The following PIK3C2G variants were observed in gnomAD, a reference collection of about 807,000 sequenced individuals.
The protein encoded by PIK3C2G is phosphatidylinositol-4-phosphate 3-kinase catalytic subunit type 2 gamma, also known as phosphatidylinositol 3-kinase C2 domain-containing subunit gamma.
A neutral mutation model predicts 181.1 loss-of-function variants in PIK3C2G; 168 were observed. The observed-to-expected ratio is 0.93, with a 90% CI of 0.82 to 1.05. PIK3C2G has a LOEUF of 1.05. Among genes scored for constraint, PIK3C2G ranks in the 50% least tolerant of loss-of-function variants. PIK3C2G has a pLI of 0.00. For synonymous variants in PIK3C2G, 573 were observed against 592.2 expected, an observed-to-expected ratio of 0.97 and a Z score of 0.47; for missense variants, 1,869 against 1,732.8, an observed-to-expected ratio of 1.08 and a Z score of -1.40.
At chr12:18,369,722 ATAATTGACATATGATCATATAACGGTCG>A in intron 12 of PIK3C2G, among the ~76,000 whole-genome samples, 1 of 77,710 alleles carries the variant, frequency 1.3e-5, no homozygotes, top group African/African-American at 5.5e-5. Flanking sequence ...TAACGGTCGT[ATAATTGACATATGATCATATAACGGTCG>A]TATAATTGAC....
chr12:18,683,511 C>T, the PIK3C2G span: 6 of 1,505,992 alleles, frequency 4.0e-6, no homozygotes, highest in Non-Finnish European at 5.4e-6. Context: ...TTCTGACTTC[C>T]TAACTGCCCA....
chr12:18,280,542 C>G (rs528816807), intron 1 of PIK3C2G, among the ~76,000 whole-genome samples: 2 of 151,764 alleles, frequency 1.3e-5, no homozygotes, highest in African/African-American at 4.8e-5. Context: ...AGCCAGAAGG[C>G]CAAGATGATG....
intron 2 of PIK3C2G, among the ~76,000 whole-genome samples, chr12:18,286,168 A>G (rs1198887524): frequency 2.0e-5 from 3 of 152,068 alleles, no homozygotes; most frequent in African/African-American, 7.2e-5. Flanking sequence ...TTTAAAACGC[A>G]TAAGGCAAAA....
chr12:18,487,276 C>T (rs1393009828), intron 18 of PIK3C2G, among the ~76,000 whole-genome samples: 3 of 152,032 alleles, frequency 2.0e-5, no homozygotes, highest in Non-Finnish European at 2.9e-5. Context: ...AAACTGCAAA[C>T]TCATTCAACT....
At chr12:18,308,069 A>G (rs1192231503) in intron 5 of PIK3C2G, among the ~76,000 whole-genome samples, 1 of 151,890 alleles carries the variant, frequency 6.6e-6, no homozygotes, top group Admixed American at 6.6e-5. Context: ...ATTGCAAGTG[A>G]TTAGTAGCTG....
At chr12:18,487,321 T>C (rs1275840309) in intron 18 of PIK3C2G, among the ~76,000 whole-genome samples, 3 of 152,054 alleles carry the variant, frequency 2.0e-5, no homozygotes, top group African/African-American at 7.2e-5. Context: ...ACAGAAAACA[T>C]TGAATAAAAA....
At chr12:18,316,694 C>A (rs539666539) in intron 6 of PIK3C2G, among the ~76,000 whole-genome samples, 6 of 152,094 alleles carry the variant, frequency 3.9e-5, no homozygotes, top group Non-Finnish European at 7.4e-5. Flanking sequence ...CGCGCTACTG[C>A]ACTCCAGCCT....
intron 1 of PIK3C2G, among the ~76,000 whole-genome samples, chr12:18,274,691 A>T (rs547322176): frequency 1.3e-5 from 2 of 152,288 alleles, no homozygotes; most frequent in Non-Finnish European, 2.9e-5. Flanking sequence ...ATTAGGAGAT[A>T]CACCTAATGC....
chr12:18,516,261 G>GTT (rs34294540), intron 24 of PIK3C2G, among the ~76,000 whole-genome samples: 16,502 of 138,218 alleles, frequency 0.12, 1,063 homozygotes, highest in African/African-American at 0.14. Context: ...TTGACTGATG[G>GTT]TTTTTTTTTT....
intron 29 of PIK3C2G, among the ~76,000 whole-genome samples, chr12:18,593,050 G>T (rs796777125): frequency 2.6e-5 from 4 of 151,932 alleles, no homozygotes; most frequent in African/African-American, 9.6e-5. Context: ...CTTTCTCCTT[G>T]GTTTGTAGAT....
the PIK3C2G span, among the ~76,000 whole-genome samples, chr12:18,722,789 A>T: frequency 6.6e-6 from 1 of 152,084 alleles, no homozygotes; most frequent in Non-Finnish European, 1.5e-5. Flanking sequence ...AACAAGCGAA[A>T]AGTATATATA....
intron 13 of PIK3C2G, among the ~76,000 whole-genome samples, chr12:18,373,410 A>G (rs967170617): frequency 1.3e-5 from 2 of 152,222 alleles, no homozygotes; most frequent in African/African-American, 4.8e-5. Context: ...AAGGTTTCCT[A>G]TCGCTTTGTG....
chr12:18,676,484 G>C, the PIK3C2G span, among the ~76,000 whole-genome samples: 2 of 152,036 alleles, frequency 1.3e-5, no homozygotes, highest in Non-Finnish European at 2.9e-5. Flanking sequence ...ATCCCATTGA[G>C]TACTCTCAAC....
Position 18,505,311 on chromosome 12 carries a change from A to G in PIK3C2G, c.3173A>G (p.Tyr1058Cys). The G allele has an allele frequency of 6.3e-7, 1 of 1,597,694 alleles. No individual in the cohort carries two copies. The highest frequency in any genetic ancestry group is 1.1e-5 in the South Asian group (1 of 87,598). Residue 1058 changes from tyrosine (Y) to cysteine (C), a missense_variant, in exon 24 of 33, where the codon TAC becomes TGC. Tyr to Cys is a radical substitution (Grantham distance 194). Transcript: ENST00000538779. Reference protein sequence around the residue: ...DYEKALRNFFYSCAGWCVVTF... With the variant: ...DYEKALRNFFCSCAGWCVVTF... ...AATTAGGCCTTGAGGAACTTTTTCT[A>G]CTCCTGTGCTGGCTGGTGTGTGGTA... is the stretch of plus-strand genomic sequence containing the variant.
At chr12:18,724,042 T>C in the PIK3C2G span, among the ~76,000 whole-genome samples, 601 of 152,116 alleles carry the variant, frequency 4.0e-3, 11 homozygotes, top group East Asian at 0.055. Context: ...TGAGTTCCAA[T>C]AAGAAAGAGT....
chr12:18,617,177 C>T (rs1183291157), intron 31 of PIK3C2G, among the ~76,000 whole-genome samples: 1 of 152,060 alleles, frequency 6.6e-6, no homozygotes, highest in East Asian at 1.9e-4. Context: ...TAACTGACCA[C>T]CTATCTCAGT....
chr12:18,442,460 C>T (rs886342111), intron 18 of PIK3C2G, among the ~76,000 whole-genome samples: 1 of 151,952 alleles, frequency 6.6e-6, no homozygotes, highest in East Asian at 1.9e-4. Flanking sequence ...TACAATAGCC[C>T]TCAAGGAAAG....
chr12:18,534,582 C>T (rs1359791340), intron 24 of PIK3C2G, among the ~76,000 whole-genome samples: 1 of 151,722 alleles, frequency 6.6e-6, no homozygotes, highest in Non-Finnish European at 1.5e-5. Context: ...TTGTTGCATT[C>T]ATCGCATGTA....
At position 18,467,522 on chromosome 12, in the gene PIK3C2G, G is replaced by C. The variant is rs1292614531; in HGVS notation, c.2505-20927G>C. Among the ~76,000 whole-genome samples the C allele has an allele frequency of 2.0e-5, 3 of 150,780 alleles. No individual in the cohort carries two copies. In the Admixed American group the frequency reaches 2.0e-4, roughly 10 times the overall value. On this transcript the variant is annotated intron_variant, in intron 18 of 32. Coordinates refer to ENST00000538779, the MANE Select transcript of PIK3C2G (RefSeq NM_001288772.2). ...TTCAGACACTTTTCAACTATGTAAA[G>C]CAAAGTAGACCTGAATCAAGAACCA...
Sources: allele counts gnomAD v4.1 joint callset (sites outside exome capture counted in the v4.1 genomes callset), GRCh38; gene constraint gnomAD v4.1.1; transcripts MANE v1.5; gene names NCBI Gene and HGNC (gene_info 2026-07-23, HGNC 2026-07-21).